The following JARID2 variants were observed in gnomAD, a reference collection of about 807,000 sequenced individuals.
JARID2 encodes protein Jumonji.
A neutral mutation model predicts 125.6 loss-of-function variants in JARID2; 21 were observed. The ratio of observed to expected loss-of-function variants is 0.17; its 90% CI spans 0.12 to 0.24. The LOEUF (loss-of-function observed/expected upper bound fraction) is 0.24, where lower values mean the gene tolerates loss of function less well. Ranked by LOEUF, JARID2 falls within the 10% of genes least tolerant of loss-of-function variation. The pLI, the probability that JARID2 is intolerant of heterozygous loss-of-function variation, is 1.00. For synonymous variants in JARID2, 736 were observed against 661.6 expected, an observed-to-expected ratio of 1.11 and a Z score of -1.73; for missense variants, 1,303 against 1,639.6, an observed-to-expected ratio of 0.79 and a Z score of 3.55.
chr6:15,429,028 T>A (rs529236521), intron 3 of JARID2, among the ~76,000 whole-genome samples: 9 of 151,634 alleles, frequency 5.9e-5, no homozygotes, highest in African/African-American at 2.2e-4. Flanking sequence ...CAGAATTGGT[T>A]GAAAGCAACA....
intron 2 of JARID2, among the ~76,000 whole-genome samples, chr6:15,390,671 T>A (rs567948578): frequency 6.6e-6 from 1 of 152,272 alleles, no homozygotes; most frequent in South Asian, 2.1e-4. Flanking sequence ...TTCTCATGTG[T>A]GCTCTGTAAA....
intron 1 of JARID2, among the ~76,000 whole-genome samples, chr6:15,364,575 G>A (rs1763910116): frequency 6.6e-6 from 1 of 152,204 alleles, no homozygotes; most frequent in South Asian, 2.1e-4. Context: ...AGTTGTATGA[G>A]TGGATGTCTG....
intron 2 of JARID2, among the ~76,000 whole-genome samples, chr6:15,404,061 A>G (rs1765548446): frequency 6.6e-6 from 1 of 152,136 alleles, no homozygotes; most frequent in African/African-American, 2.4e-5. Context: ...GTATGAAACC[A>G]CTTTCATTTG....
At chr6:15,483,224 A>C (rs1428815673) in intron 5 of JARID2, among the ~76,000 whole-genome samples, 1 of 152,200 alleles carries the variant, frequency 6.6e-6, no homozygotes, top group African/African-American at 2.4e-5. Flanking sequence ...ACAATCACAC[A>C]AGTGCTTTTC....
At chr6:15,363,942 TGTCAGTTTATGTTAA>T (rs1265935940) in intron 1 of JARID2, among the ~76,000 whole-genome samples, 13 of 152,186 alleles carry the variant, frequency 8.5e-5, no homozygotes, top group African/African-American at 3.1e-4. Flanking sequence ...TAAGGCAATA[TGTCAGTTTATGTTAA>T]GTCCAAGGAC....
intron 1 of JARID2, among the ~76,000 whole-genome samples, chr6:15,305,865 G>A (rs1006000546): frequency 3.9e-5 from 6 of 152,180 alleles, no homozygotes; most frequent in Non-Finnish European, 7.3e-5. Flanking sequence ...TTACAAGGGA[G>A]TTCACTATAT....
intron 1 of JARID2, among the ~76,000 whole-genome samples, chr6:15,328,425 C>T (rs534715597): frequency 5.3e-5 from 8 of 152,314 alleles, no homozygotes; most frequent in African/African-American, 1.9e-4. Context: ...AGTTACTGTG[C>T]TGCCTTATAC....
At chr6:15,333,279 C>A (rs1762778609) in intron 1 of JARID2, among the ~76,000 whole-genome samples, 1 of 152,126 alleles carries the variant, frequency 6.6e-6, no homozygotes, top group Non-Finnish European at 1.5e-5. Context: ...TTAGTATATT[C>A]ACAGTTAGGC....
chr6:15,496,435 G>C lies in JARID2; in HGVS notation c.1210G>C (p.Val404Leu), dbSNP rs751363793. The change falls in exon 7 of 18, where the codon GTC (valine) becomes CTC (leucine). Residue 404 changes from valine (V) to leucine (L), a missense_variant. Val to Leu is a conservative substitution (Grantham distance 32). Coordinates refer to ENST00000341776, the MANE Select transcript of JARID2 (RefSeq NM_004973.4). ...GGASKSTGPA[V>L]NGLKVSGRLN... ...GGCGTCCAAGTCCACTGGGCCCGCC[G>C]TCAATGGCCTCAAGGTCAGTGGCAG... 6.2e-7 allele frequency: 1 copy of C among 1,613,758 alleles called. No homozygotes were observed. Among genetic ancestry groups the C allele is most frequent in the Admixed American group, 1.7e-5 (1 of 60,016 alleles).
At chr6:15,385,483 A>G (rs1054563968) in intron 2 of JARID2, among the ~76,000 whole-genome samples, 8 of 151,042 alleles carry the variant, frequency 5.3e-5, no homozygotes, top group Non-Finnish European at 7.4e-5. Context: ...TTATTTATAT[A>G]GATTTTTTAA....
chr6:15,440,212 A>T (rs1015226897), intron 3 of JARID2, among the ~76,000 whole-genome samples: 2 of 152,216 alleles, frequency 1.3e-5, no homozygotes, highest in African/African-American at 4.8e-5. Context: ...CTGTCTACAT[A>T]TGTGACCTCT....
chr6:15,407,460 T>C (rs904392441), intron 2 of JARID2, among the ~76,000 whole-genome samples: 9 of 151,114 alleles, frequency 6.0e-5, no homozygotes, highest in Non-Finnish European at 1.2e-4. Flanking sequence ...AAAGCTTAAC[T>C]TTCTTACTTA....
intron 4 of JARID2, among the ~76,000 whole-genome samples, chr6:15,464,653 C>T (rs1454013807): frequency 6.6e-6 from 1 of 152,190 alleles, no homozygotes; most frequent in East Asian, 1.9e-4. Context: ...CTGACCTCCT[C>T]CCCTGGAGTT....
intron 3 of JARID2, among the ~76,000 whole-genome samples, chr6:15,442,029 C>T (rs1306588001): frequency 2.0e-5 from 3 of 151,744 alleles, no homozygotes; most frequent in Non-Finnish European, 4.4e-5. Flanking sequence ...TGATCCCCCA[C>T]GCCTGGCCTG....
chr6:15,280,444 A>T (rs1429411880), intron 1 of JARID2, among the ~76,000 whole-genome samples: 1 of 152,162 alleles, frequency 6.6e-6, no homozygotes, highest in East Asian at 1.9e-4. Context: ...GATCATAAAG[A>T]TTCAGCTAAG....
chr6:15,275,777 C>A (rs2127363588), intron 1 of JARID2, among the ~76,000 whole-genome samples: 1 of 152,190 alleles, frequency 6.6e-6, no homozygotes, highest in African/African-American at 2.4e-5. Context: ...TGTCCCCTTT[C>A]CTTCTCTTGG....
At chr6:15,275,356 G>A (rs1026975996) in intron 1 of JARID2, among the ~76,000 whole-genome samples, 11 of 152,140 alleles carry the variant, frequency 7.2e-5, no homozygotes, top group African/African-American at 2.4e-4. Flanking sequence ...TCCAGAATTG[G>A]AAAATTTCCT....
chr6:15,395,649 A>G (rs749225008), intron 2 of JARID2, among the ~76,000 whole-genome samples: 2 of 151,238 alleles, frequency 1.3e-5, no homozygotes, highest in African/African-American at 4.9e-5. Context: ...ATCTGCCCAC[A>G]TCGGCCTCCC....
At chr6:15,246,869 T>TG (rs771193768) in intron 1 of JARID2, among the ~76,000 whole-genome samples, 29 of 152,180 alleles carry the variant, frequency 1.9e-4, no homozygotes, top group South Asian at 4.1e-4. Flanking sequence ...GAGCTTGAGG[T>TG]GGGGGGTGGC....
Sources: allele counts gnomAD v4.1 joint callset (sites outside exome capture counted in the v4.1 genomes callset), GRCh38; gene constraint gnomAD v4.1.1; transcripts MANE v1.5; gene names NCBI Gene and HGNC (gene_info 2026-07-23, HGNC 2026-07-21).